The following RCC1L variants were observed in gnomAD, a reference collection of about 807,000 sequenced individuals.
The protein encoded by RCC1L is RCC1-like G exchanging factor-like protein.
In RCC1L, 46 loss-of-function variants were observed where a neutral mutation model predicts 58.6. The observed-to-expected ratio is 0.79, with a 90% CI of 0.62 to 1.00. RCC1L has a LOEUF of 1.00. Among genes scored for constraint, RCC1L ranks in the 50% least tolerant of loss-of-function variants. RCC1L has a pLI of 0.00. For missense variants in RCC1L, 636 were observed against 623.6 expected (o/e 1.02, Z -0.21); for synonymous variants, 281 against 262.9 (o/e 1.07, Z -0.67).
At chr7:75,056,102 T>C (rs782804838) in intron 8 of RCC1L, 28 bp from the exon 9 acceptor site, 2 of 1,613,474 alleles carry the variant, frequency 1.2e-6, no homozygotes. Context: ...CAAGGGTCAG[T>C]AAGTCCATCC....
chr7:75,039,703 AC>A (rs1747931503), downstream of RCC1L, among the ~76,000 whole-genome samples: 2 of 151,894 alleles, frequency 1.3e-5, 1 homozygote, highest in Non-Finnish European at 2.9e-5. Flanking sequence ...TTGGTTACTG[AC>A]CCCATCAGAG....
At chr7:75,072,070 T>C (rs1806753361) in intron 1 of RCC1L, among the ~76,000 whole-genome samples, 2 of 146,116 alleles carry the variant, frequency 1.4e-5, no homozygotes, top group Non-Finnish European at 3.0e-5. Context: ...TACTCCAGCC[T>C]GGGCAACAGA....
At chr7:75,062,610 C>T (rs936360233) in intron 5 of RCC1L, among the ~76,000 whole-genome samples, 1 of 152,166 alleles carries the variant, frequency 6.6e-6, no homozygotes, top group African/African-American at 2.4e-5. Context: ...TTATTCTCAT[C>T]CCCAGAATAG....
chr7:75,054,472 G>A (rs1380967837), intron 9 of RCC1L, among the ~76,000 whole-genome samples: 1 of 152,162 alleles, frequency 6.6e-6, no homozygotes, highest in Non-Finnish European at 1.5e-5. Context: ...AAAAGCCTCT[G>A]CTCTAGTCAA....
chr7:75,056,984 A>T (rs1806101043), intron 8 of RCC1L, among the ~76,000 whole-genome samples: 1 of 151,354 alleles, frequency 6.6e-6, no homozygotes, highest in South Asian at 2.1e-4. Context: ...CTAATTTTTC[A>T]TTTTTTCTTT....
At chr7:75,044,643 A>G (rs948529185) in intron 10 of RCC1L, among the ~76,000 whole-genome samples, 2 of 147,824 alleles carry the variant, frequency 1.4e-5, no homozygotes, top group Non-Finnish European at 3.0e-5. Context: ...TACCACACCT[A>G]TCACCAGCTG....
chr7:75,073,738 C>A lies in RCC1L; in HGVS notation c.-1G>T. 22 of 1,504,400 alleles carry A rather than the reference C, an allele frequency of 1.5e-5. No homozygotes were observed. Among genetic ancestry groups the A allele is most frequent in the Non-Finnish European group, 1.9e-5 (22 of 1,133,574 alleles). The allele number at this position is 1,504,400 out of a possible 1,614,324, so 93.2% of individuals were successfully genotyped here. ...CAGCCACCAACGCCACCAGCGCCAT[C>A]CTCCGTTCCGCGCCTCAGCAGCCTC... On this transcript the variant is annotated 5_prime_UTR_variant, in exon 1 of 11. Coordinates refer to ENST00000610322, the MANE Select transcript of RCC1L (RefSeq NM_030798.5).
Position 75,033,979 on chromosome 7 carries a change from G to A in RCC1L, c.1318-5900C>T, listed in dbSNP as rs932880333. On this transcript the variant is annotated intron_variant, in intron 10 of 10. Transcript: ENST00000614461. ...TTGTCATGTGAATTTCAGCTGACTC[G>A]GGCAGGGGAGGGAGTGTCAGATCAG... is the stretch of plus-strand genomic sequence containing the variant. Among the ~76,000 whole-genome samples, 12 of 152,310 alleles carry A rather than the reference G, an allele frequency of 7.9e-5. No individual in the cohort carries two copies. The South Asian group carries it at 1.5e-3, about 18-fold the overall frequency.
downstream of RCC1L, among the ~76,000 whole-genome samples, chr7:75,037,744 C>T (rs1805459799): frequency 6.8e-6 from 1 of 147,578 alleles, no homozygotes; most frequent in Admixed American, 6.8e-5. Flanking sequence ...CTCCTGACCT[C>T]GTGATCAGCC....
Position 75,043,123 on chromosome 7 carries a change from T to G in RCC1L, c.1318-14A>C. 6.2e-7 allele frequency: 1 copy of G among 1,613,850 alleles called. No homozygotes were observed. Among genetic ancestry groups the G allele is most frequent in the Non-Finnish European group, 8.5e-7 (1 of 1,179,804 alleles). The stretch of plus-strand genomic sequence containing the variant: ...AGGCATCGTCACCTGAAAAATAAGA[T>G]CCAGCATACCATGGGTGGGGGTGGC... On this transcript the variant is annotated splice_polypyrimidine_tract_variant and intron_variant, in intron 10 of 10. Coordinates refer to ENST00000610322, the MANE Select transcript of RCC1L (RefSeq NM_030798.5).
intron 10 of RCC1L, among the ~76,000 whole-genome samples, chr7:75,050,425 C>T (rs1805867689): frequency 2.0e-5 from 3 of 152,228 alleles, no homozygotes; most frequent in Admixed American, 1.3e-4. Flanking sequence ...CAGGGACCAG[C>T]GCTTTGCACA....
intron 1 of RCC1L, among the ~76,000 whole-genome samples, chr7:75,072,918 C>G (rs910873175): frequency 6.6e-6 from 1 of 152,086 alleles, no homozygotes; most frequent in Admixed American, 6.6e-5. Flanking sequence ...CCAGCCTGAG[C>G]GACAGAGCGA....
At chr7:75,051,339 TATATATACACACACAC>T (rs1584493531) in intron 10 of RCC1L, among the ~76,000 whole-genome samples, 2 of 147,966 alleles carry the variant, frequency 1.4e-5, no homozygotes, top group Non-Finnish European at 3.0e-5. Context: ...CACACACACA[TATATATACACACACAC>T]ATATATATAC....
In RCC1L at chr7:75,063,301, C is replaced by A. The variant is rs587714071; in HGVS notation, c.693G>T (p.Gln231His). Reference protein sequence around the residue: ...RVHRMQDFDGQVVQVACGQDH... With the variant: ...RVHRMQDFDGHVVQVACGQDH... ...GGCCCATCTCTCTTACCTGGACCACCTGGCCATCGAAGTCCTGCATCCTGT... is the reference window on the plus strand; with the variant it reads ...GGCCCATCTCTCTTACCTGGACCACATGGCCATCGAAGTCCTGCATCCTGT... Residue 231 changes from glutamine (Q) to histidine (H), a missense_variant, in exon 5 of 11, where the codon CAG (glutamine) becomes CAT (histidine). Transcript: ENST00000610322. 338 of 1,613,872 alleles carry A rather than the reference C, an allele frequency of 2.1e-4. No individual in the cohort carries two copies. The African/African-American group carries it at 4.1e-3, about 19-fold the overall frequency.
chr7:75,051,465 G>A (rs1323303186), intron 10 of RCC1L, among the ~76,000 whole-genome samples: 2 of 151,600 alleles, frequency 1.3e-5, no homozygotes, highest in African/African-American at 4.9e-5. Flanking sequence ...AGGCTGGAGT[G>A]CAGCAGCGTC....
In RCC1L at chr7:75,042,402, T is replaced by C. The variant is rs981898349; in HGVS notation, c.*630A>G. 6.1e-6 allele frequency: 6 copies of C among 985,930 alleles called. No individual in the cohort carries two copies. The highest frequency in any genetic ancestry group is 1.7e-5 in the African/African-American group (1 of 57,252). 61.1% of individuals were successfully genotyped at this position (985,930 alleles called of 1,614,324 possible). On this transcript the variant is annotated 3_prime_UTR_variant, in exon 11 of 11. Coordinates refer to ENST00000610322, the MANE Select transcript of RCC1L (RefSeq NM_030798.5). ...TTCTCTTCCTGAGGGGCTTCTTAAC[T>C]TTTCCAAGCCAGGCAGTGAGCGTGG...
intron 10 of RCC1L, among the ~76,000 whole-genome samples, chr7:75,045,800 C>T (rs1166711918): frequency 1.3e-5 from 2 of 152,238 alleles, no homozygotes; most frequent in Admixed American, 6.5e-5. Flanking sequence ...AGGCGTGAGC[C>T]GCTGCACCTG....
At position 75,057,525 on chromosome 7, in the gene RCC1L, T is replaced by C; in HGVS notation, c.1057+4A>G. ...CCAATGAGCCACCGGAAAGAAGGTC[T>C]CACCGTTTAACACTGCACAGCCCGT... On this transcript the variant is annotated splice_donor_region_variant and intron_variant, in intron 8 of 10. Coordinates refer to ENST00000610322, the MANE Select transcript of RCC1L (RefSeq NM_030798.5). 1 of 1,613,896 alleles carries C rather than the reference T, an allele frequency of 6.2e-7. No homozygotes were observed. Among genetic ancestry groups the C allele is most frequent in the African/African-American group, 1.3e-5 (1 of 75,010 alleles).
chr7:75,069,486 C>T (rs587597704), intron 2 of RCC1L, among the ~76,000 whole-genome samples: 1 of 152,250 alleles, frequency 6.6e-6, no homozygotes, highest in African/African-American at 2.4e-5. Context: ...GGATTACAGG[C>T]GTGAGCCCCT....
Sources: allele counts gnomAD v4.1 joint callset (sites outside exome capture counted in the v4.1 genomes callset), GRCh38; gene constraint gnomAD v4.1.1; transcripts MANE v1.5; gene names NCBI Gene and HGNC (gene_info 2026-07-23, HGNC 2026-07-21).